PRKN: variants seen among roughly 807,000 people sequenced by gnomAD.
The protein encoded by PRKN is parkin RBR E3 ubiquitin protein ligase.
A neutral mutation model predicts 59.5 loss-of-function variants in PRKN; 56 were observed. The observed-to-expected ratio is 0.94, with a 90% CI of 0.76 to 1.18. The LOEUF (loss-of-function observed/expected upper bound fraction) is 1.18. Among genes scored for constraint, PRKN ranks in the 50% most tolerant of loss-of-function variants. The probability of loss-of-function intolerance (pLI) is 0.00; values close to 1 mark genes in which losing one functional copy is unlikely to be tolerated. For missense variants in PRKN, 657 were observed against 596.4 expected, an observed-to-expected ratio of 1.10 and a Z score of -1.06; for synonymous variants, 250 against 222.1, an observed-to-expected ratio of 1.13 and a Z score of -1.12.
chr6:162,121,340 G>A (rs1780906791), intron 4 of PRKN, among the ~76,000 whole-genome samples: 1 of 152,106 alleles, frequency 6.6e-6, no homozygotes. Flanking sequence ...GAAGTTCTTG[G>A]GGGTTGAATG....
At chr6:161,844,857 G>C (rs925380628) in intron 6 of PRKN, among the ~76,000 whole-genome samples, 3 of 152,196 alleles carry the variant, frequency 2.0e-5, no homozygotes, top group Non-Finnish European at 2.9e-5. Context: ...CCGTGGAGTT[G>C]GCGTATGTGT....
At chr6:161,897,932 A>C (rs375308370) in intron 6 of PRKN, among the ~76,000 whole-genome samples, 25 of 125,932 alleles carry the variant, frequency 2.0e-4, no homozygotes, top group East Asian at 5.0e-4. Flanking sequence ...GCGCCACTGC[A>C]CTCCAGCCTG....
intron 7 of PRKN, among the ~76,000 whole-genome samples, chr6:161,599,697 T>TGTTCTAGC (rs1782039442): frequency 6.6e-6 from 1 of 152,206 alleles, no homozygotes; most frequent in Non-Finnish European, 1.5e-5. Context: ...CAGCTTGAAT[T>TGTTCTAGC]GTTCTAGCTG....
At chr6:162,382,964 C>T (rs1436820069) in intron 2 of PRKN, among the ~76,000 whole-genome samples, 2 of 152,120 alleles carry the variant, frequency 1.3e-5, no homozygotes, top group Non-Finnish European at 2.9e-5. Flanking sequence ...AACTCCTCAC[C>T]TGTTCATGTT....
Position 161,460,955 on chromosome 6 carries a change from C to T in PRKN, c.1084-74078G>A, listed in dbSNP as rs111797327. 7.9e-4 allele frequency among the ~76,000 whole-genome samples: 120 copies of T among 151,618 alleles called. No homozygotes were observed. In the Middle Eastern group the frequency reaches 0.01, roughly 13 times the overall value. ...TTTTTTTTTAGCAGAGACGGGGTTT[C>T]ACCATGTTGGCCAGGATGGTCTTGA... is the stretch of plus-strand genomic sequence containing the variant. On this transcript the variant is annotated intron_variant, in intron 9 of 11. Transcript: ENST00000366898. This position sits in a 1 kb window ranked among gnomAD's most constrained non-coding sequence, Gnocchi z 5.0.
chr6:161,623,644 T>A (rs1483573097), intron 7 of PRKN, among the ~76,000 whole-genome samples: 2 of 152,210 alleles, frequency 1.3e-5, no homozygotes, highest in East Asian at 3.8e-4. Flanking sequence ...AATCTGAAAG[T>A]CATGTGGGTT....
chr6:162,547,881 C>T (rs1779180220), intron 1 of PRKN, among the ~76,000 whole-genome samples: 1 of 151,944 alleles, frequency 6.6e-6, no homozygotes, highest in Non-Finnish European at 1.5e-5. Context: ...CGTGCCTGGC[C>T]AACAGTTATT....
intron 2 of PRKN, among the ~76,000 whole-genome samples, chr6:162,339,503 CGGGA>C (rs1358278795): frequency 1.3e-4 from 17 of 135,698 alleles, no homozygotes; most frequent in Middle Eastern, 4.5e-3. Flanking sequence ...CCGCCCCGTC[CGGGA>C]GGGAGGTGGG....
At chr6:162,722,438 T>G (rs999264385) in intron 1 of PRKN, among the ~76,000 whole-genome samples, 5 of 152,034 alleles carry the variant, frequency 3.3e-5, no homozygotes, top group Non-Finnish European at 7.4e-5. Flanking sequence ...GTCACATGAG[T>G]CTCTTTAATA....
At chr6:162,077,305 A>C (rs1229649331) in intron 4 of PRKN, among the ~76,000 whole-genome samples, 1 of 152,132 alleles carries the variant, frequency 6.6e-6, no homozygotes, top group Non-Finnish European at 1.5e-5. Flanking sequence ...TCTTGCTCTG[A>C]AAGCCTAGGT....
rs1583066094 is a variant in PRKN at position 161,730,297 on chromosome 6, C to G, written c.871+55475G>C. 1.3e-5 allele frequency among the ~76,000 whole-genome samples: 2 copies of G among 150,610 alleles called. 1 individual carries two copies. Among genetic ancestry groups the G allele is most frequent in the Middle Eastern group, 6.9e-3 (2 of 288 alleles). On this transcript the variant is annotated intron_variant, in intron 7 of 11. Transcript: ENST00000366898. Reference sequence around the variant, plus strand: ...TGCATTCTTTCAGATATGTTGCATTCTGATGTGTTGTATTCTTTCTGGTGT... The same window carrying G: ...TGCATTCTTTCAGATATGTTGCATTGTGATGTGTTGTATTCTTTCTGGTGT...
At chr6:161,864,573 A>G (rs535403048) in intron 6 of PRKN, among the ~76,000 whole-genome samples, 1 of 152,334 alleles carries the variant, frequency 6.6e-6, no homozygotes, top group Admixed American at 6.5e-5. Context: ...TCTTTCACCC[A>G]TGAATCATGA....
intron 1 of PRKN, among the ~76,000 whole-genome samples, chr6:162,688,168 T>C (rs1451893370): frequency 6.6e-6 from 1 of 152,170 alleles, no homozygotes; most frequent in Non-Finnish European, 1.5e-5. Context: ...ATAAATCTCA[T>C]AGACATAACA....
chr6:162,602,150 C>T (rs987572325), intron 1 of PRKN, among the ~76,000 whole-genome samples: 4 of 152,124 alleles, frequency 2.6e-5, no homozygotes, highest in South Asian at 4.1e-4. Context: ...AGCACCTCCG[C>T]GTAGTCCCAA....
At chr6:162,398,973 CAT>C (rs1468932447) in intron 2 of PRKN, among the ~76,000 whole-genome samples, 1 of 152,114 alleles carries the variant, frequency 6.6e-6, no homozygotes, top group East Asian at 1.9e-4. Context: ...ACCTTCTTCA[CAT>C]GACTTAAAAC....
At chr6:162,563,108 T>C (rs1264334958) in intron 1 of PRKN, among the ~76,000 whole-genome samples, 2 of 152,032 alleles carry the variant, frequency 1.3e-5, no homozygotes, top group East Asian at 1.9e-4. Flanking sequence ...CAAGACCATC[T>C]TGGCTAAAGC....
intron 1 of PRKN, among the ~76,000 whole-genome samples, chr6:162,561,237 C>T (rs1411971766): frequency 6.6e-6 from 1 of 152,114 alleles, no homozygotes; most frequent in East Asian, 1.9e-4. Flanking sequence ...ATGATATTTA[C>T]TAAACAGTTT....
rs1366999162 is a variant in PRKN, at chr6:161,423,706, C to A, written c.1084-36829G>T. On this transcript the variant is annotated intron_variant, in intron 9 of 11. Coordinates refer to ENST00000366898, the MANE Select transcript of PRKN (RefSeq NM_004562.3). The surrounding 1 kb of genome is among the most constrained non-coding windows in gnomAD (Gnocchi z 5.9). ...GGCCTTACCATGGCTCATTGTCCCA[C>A]CAGTCCCTTCCACTGCTCTTGTTCC... Among the ~76,000 whole-genome samples, 1 of 152,180 alleles carries A rather than the reference C, an allele frequency of 6.6e-6. No homozygotes were observed. Among genetic ancestry groups the A allele is most frequent in the Non-Finnish European group, 1.5e-5 (1 of 68,028 alleles).
chr6:162,505,232 G>A (rs190912974), intron 1 of PRKN, among the ~76,000 whole-genome samples: 12 of 151,474 alleles, frequency 7.9e-5, no homozygotes, highest in South Asian at 4.2e-4. Context: ...AAGTAAACAC[G>A]TACAAGGATT....
Sources: allele counts gnomAD v4.1 joint callset (sites outside exome capture counted in the v4.1 genomes callset), GRCh38; gene constraint gnomAD v4.1.1; non-coding constraint Gnocchi (gnomAD v3.1); transcripts MANE v1.5; gene names NCBI Gene and HGNC (gene_info 2026-07-23, HGNC 2026-07-21).